Variants in DSCAML1 observed in about 807,000 individuals in gnomAD.
The protein encoded by DSCAML1 is cell adhesion molecule DSCAML1.
Under a neutral mutation model 200.5 loss-of-function variants are expected in DSCAML1, and 38 were observed. The ratio of observed to expected loss-of-function variants is 0.19; its 90% CI spans 0.15 to 0.25. DSCAML1 has a LOEUF of 0.25. Among genes scored for constraint, DSCAML1 ranks in the 10% least tolerant of loss-of-function variants. The pLI is 1.00. For missense variants in DSCAML1, 2,223 were observed against 2,858.8 expected (o/e 0.78, Z 5.07); for synonymous variants, 1,215 against 1,165.0 (o/e 1.04, Z -0.87).
intron 3 of DSCAML1, among the ~76,000 whole-genome samples, chr11:117,573,485 G>A (rs555582897): frequency 1.3e-5 from 2 of 152,262 alleles, no homozygotes; most frequent in South Asian, 2.1e-4. Flanking sequence ...AGGCCTAGCC[G>A]GTGGTACCTC....
chr11:117,603,070 C>T (rs748714798), intron 3 of DSCAML1, among the ~76,000 whole-genome samples: 1 of 152,006 alleles, frequency 6.6e-6, no homozygotes, highest in Non-Finnish European at 1.5e-5. Context: ...CACTTCAGCT[C>T]GAGGACAAAG....
chr11:117,809,739 C>T lies in DSCAML1; in HGVS notation c.-250+7651G>A, dbSNP rs534562419. On this transcript the variant is annotated intron_variant, in intron 1 of 2. Transcript: ENST00000525836. ...CTGAGGAGGCTGAATCGCCGCGCAG[C>T]GCTCCAGATGCTAGGTCCACCCACG... 1.5e-3 allele frequency among the ~76,000 whole-genome samples: 226 copies of T among 152,308 alleles called. 3 individuals are homozygous for T. Among genetic ancestry groups the T allele is most frequent in the Admixed American group, 0.013 (199 of 15,302 alleles).
At chr11:117,534,716 C>T (rs1257455468) in intron 3 of DSCAML1, among the ~76,000 whole-genome samples, 1 of 152,072 alleles carries the variant, frequency 6.6e-6, no homozygotes, top group East Asian at 1.9e-4. Context: ...CTCAAGCGAT[C>T]CTCGCACCCC....
At chr11:117,559,382 T>A (rs770694841) in intron 3 of DSCAML1, among the ~76,000 whole-genome samples, 1 of 152,192 alleles carries the variant, frequency 6.6e-6, no homozygotes, top group African/African-American at 2.4e-5. Context: ...CTCACTTTCG[T>A]AACCAACTGC....
chr11:117,553,480 A>G (rs899946951), intron 3 of DSCAML1, among the ~76,000 whole-genome samples: 9 of 152,240 alleles, frequency 5.9e-5, no homozygotes, highest in African/African-American at 1.9e-4. Context: ...AAACGACTTG[A>G]ATAGACAGTT....
rs538591874 is a variant in DSCAML1, at chr11:117,459,821, G to A, written c.3413-912C>T. Among the ~76,000 whole-genome samples the A allele has an allele frequency of 3.3e-5, 5 of 152,326 alleles. No homozygotes were observed. In the East Asian group the frequency reaches 5.8e-4, roughly 18 times the overall value. On this transcript the variant is annotated intron_variant, in intron 18 of 32. Transcript: ENST00000651296. Reference sequence around the variant, plus strand: ...CTGGAGACCCCCCTCCCAGCACCTCGCGGATGGTCCAGGGCAGGCAAAAGG... The same window carrying A: ...CTGGAGACCCCCCTCCCAGCACCTCACGGATGGTCCAGGGCAGGCAAAAGG...
At chr11:117,616,283 G>C (rs1400225368) in intron 3 of DSCAML1, among the ~76,000 whole-genome samples, 1 of 152,180 alleles carries the variant, frequency 6.6e-6, no homozygotes, top group Non-Finnish European at 1.5e-5. Context: ...GTCAGAGCTG[G>C]AGAAAATGAT....
chr11:117,633,581 A>G lies in DSCAML1; in HGVS notation c.512-101059T>C, dbSNP rs78882753. 2.4e-3 allele frequency among the ~76,000 whole-genome samples: 370 copies of G among 152,170 alleles called. 4 individuals are homozygous for G. Among genetic ancestry groups the G allele is most frequent in the African/African-American group, 8.4e-3 (350 of 41,498 alleles). The stretch of plus-strand genomic sequence containing the variant: ...CTCTGATACTGACATTGCAATACCA[A>G]CCTCGTCTGGGCGATTTGAAAGGGA... On this transcript the variant is annotated intron_variant, in intron 3 of 32. Coordinates refer to ENST00000651296, the MANE Select transcript of DSCAML1 (RefSeq NM_020693.4).
chr11:117,683,268 T>C (rs781622282), intron 3 of DSCAML1, among the ~76,000 whole-genome samples: 8 of 151,972 alleles, frequency 5.3e-5, no homozygotes, highest in Non-Finnish European at 8.8e-5. Context: ...ATAAGGAAAA[T>C]AGCACAGAAG....
rs939459741 is a variant in DSCAML1 at position 117,431,156 on chromosome 11, C to A, written c.5375-123G>T. 1.7e-5 allele frequency: 16 copies of A among 956,222 alleles called. No individual in the cohort carries two copies. The African/African-American group carries it at 2.6e-4, about 16-fold the overall frequency. The allele number at this position is 956,222 out of a possible 1,614,324, so 59.2% of individuals were successfully genotyped here. A position where few individuals can be genotyped will look rare whatever the true frequency, so the allele number is the denominator to read the frequency against. ...AAGTCTGGCCATGGAGGGCACCAGGCTGAGAAGATCCCGTGAAGGTGGCAG... is the reference window on the plus strand; with the variant it reads ...AAGTCTGGCCATGGAGGGCACCAGGATGAGAAGATCCCGTGAAGGTGGCAG... On this transcript the variant is annotated intron_variant, in intron 31 of 32. Transcript: ENST00000651296.
At position 117,443,971 on chromosome 11, in the gene DSCAML1, C is replaced by T. The variant is rs770117908; in HGVS notation, c.3777G>A (p.Gln1259=). 1 of 1,613,892 alleles carries T rather than the reference C, an allele frequency of 6.2e-7. No homozygotes were observed. Among genetic ancestry groups the T allele is most frequent in the African/African-American group, 1.3e-5 (1 of 75,038 alleles). Residue 1259 remains glutamine, a synonymous_variant, in exon 21 of 33, where the codon CAG becomes CAA. Transcript: ENST00000651296. ...FYRIAHLNRG[Q]QYLLWVAAVT... is the part of the protein sequence containing the mutation. ...CGGCGGCCACCCACAGCAGATACTG[C>T]TGACCGCGGTTTAGGTGGGCGATCC...
rs1238553977 is a variant in DSCAML1, at chr11:117,448,955, A to C, written c.3708+1594T>G. Among the ~76,000 whole-genome samples, 3 of 152,194 alleles carry C rather than the reference A, an allele frequency of 2.0e-5. No homozygotes were observed. In the East Asian group the frequency reaches 5.8e-4, roughly 29 times the overall value. On this transcript the variant is annotated intron_variant, in intron 20 of 32. Transcript: ENST00000651296. ...GAGTTCCAAACTGAAAACTGCCCCA[A>C]AGCCTTCCATCAATGGATACTAACG...
At chr11:117,522,761 T>C (rs1206191563) in intron 5 of DSCAML1, among the ~76,000 whole-genome samples, 1 of 152,148 alleles carries the variant, frequency 6.6e-6, no homozygotes, top group Non-Finnish European at 1.5e-5. Context: ...TGCTCCTGTG[T>C]GGGCTTGGCA....
At position 117,715,880 on chromosome 11, in the gene DSCAML1, C is replaced by T. The variant is rs569285361; in HGVS notation, c.511+60911G>A. Among the ~76,000 whole-genome samples, 3 of 152,266 alleles carry T rather than the reference C, an allele frequency of 2.0e-5. No homozygotes were observed. In the East Asian group the frequency reaches 5.8e-4, roughly 29 times the overall value. On this transcript the variant is annotated intron_variant, in intron 3 of 32. Coordinates refer to ENST00000651296, the MANE Select transcript of DSCAML1 (RefSeq NM_020693.4). ...TATAACCCTCCTCTATCCATTATTC[C>T]GTCCTCAGATACCAATTCCTAGTTG...
intron 3 of DSCAML1, among the ~76,000 whole-genome samples, chr11:117,597,191 T>C (rs2051377411): frequency 6.6e-6 from 1 of 152,214 alleles, no homozygotes; most frequent in South Asian, 2.1e-4. Flanking sequence ...TGTTATTATA[T>C]GGAAATTAGT....
At chr11:117,593,168 T>G (rs1195404716) in intron 3 of DSCAML1, among the ~76,000 whole-genome samples, 2 of 152,366 alleles carry the variant, frequency 1.3e-5, no homozygotes, top group East Asian at 3.9e-4. Flanking sequence ...GGCCCACGTG[T>G]CCTGCCCTCG....
upstream of DSCAML1, chr11:117,802,163 G>A (rs1400837082): frequency 2.0e-5 from 3 of 152,258 alleles, no homozygotes; most frequent in Non-Finnish European, 4.4e-5. Context: ...TTATGAAAGT[G>A]TCTTCTACAC....
At chr11:117,448,428 C>T (rs1232506567) in intron 20 of DSCAML1, among the ~76,000 whole-genome samples, 2 of 152,072 alleles carry the variant, frequency 1.3e-5, no homozygotes, top group East Asian at 3.9e-4. Flanking sequence ...AAGATGCTGC[C>T]CCTGTCCTCG....
rs938303627 is a variant in DSCAML1, at chr11:117,517,446, C to A, written c.1511-707G>T. 8.5e-5 allele frequency among the ~76,000 whole-genome samples: 13 copies of A among 152,096 alleles called. No individual in the cohort carries two copies. In the South Asian group the frequency reaches 1.2e-3, roughly 15 times the overall value. On this transcript the variant is annotated intron_variant, in intron 7 of 32. Transcript: ENST00000651296. ...ACAAGGTACTCTCTGGGCCTCAGGT[C>A]CCCATCCAGAACATGAGGGGCCCAA...
Sources: allele counts gnomAD v4.1 joint callset (sites outside exome capture counted in the v4.1 genomes callset), GRCh38; gene constraint gnomAD v4.1.1; transcripts MANE v1.5; gene names NCBI Gene and HGNC (gene_info 2026-07-23, HGNC 2026-07-21).